FRMD4A: variants seen among roughly 807,000 people sequenced by gnomAD.
FRMD4A encodes FERM domain containing 4A.
FRMD4A carries 29 observed loss-of-function variants against 129.1 expected under a neutral mutation model. The ratio of observed to expected loss-of-function variants is 0.22; its 90% CI spans 0.17 to 0.31. FRMD4A has a LOEUF of 0.31. Among genes scored for constraint, FRMD4A ranks in the 10% least tolerant of loss-of-function variants. The probability of loss-of-function intolerance (pLI) is 1.00; values close to 1 mark genes in which losing one functional copy is unlikely to be tolerated. For missense variants in FRMD4A, 1,272 were observed against 1,375.8 expected, an observed-to-expected ratio of 0.92 and a Z score of 1.19; for synonymous variants, 634 against 571.6, an observed-to-expected ratio of 1.11 and a Z score of -1.56.
At chr10:14,280,993 T>C (rs1282421089) in intron 2 of FRMD4A, among the ~76,000 whole-genome samples, 1 of 138,274 alleles carries the variant, frequency 7.2e-6, no homozygotes, top group Admixed American at 7.2e-5. Context: ...TTTTTTTTTT[T>C]TTTTTTTTTT....
chr10:13,818,458 A>C (rs1469216198), intron 3 of FRMD4A, among the ~76,000 whole-genome samples: 2 of 152,152 alleles, frequency 1.3e-5, no homozygotes, highest in Non-Finnish European at 2.9e-5. Context: ...GTGTGACCCA[A>C]TGCACCCAGC....
In FRMD4A at chr10:13,798,327, G is replaced by A. The variant is rs573662463; in HGVS notation, c.207-1739C>T. Reference sequence around the variant, plus strand: ...CTCGGGAGGCTGAGGTAGGAGAATCGCTTGAACCCGGGAGATGGAGGTTGC... The same window carrying A: ...CTCGGGAGGCTGAGGTAGGAGAATCACTTGAACCCGGGAGATGGAGGTTGC... On this transcript the variant is annotated intron_variant, in intron 4 of 24. Transcript: ENST00000357447. 2.6e-5 allele frequency among the ~76,000 whole-genome samples: 4 copies of A among 152,236 alleles called. No individual in the cohort carries two copies. In the South Asian group the frequency reaches 8.3e-4, roughly 32 times the overall value.
intron 11 of FRMD4A, among the ~76,000 whole-genome samples, chr10:13,739,736 C>T (rs2090873809): frequency 6.6e-6 from 1 of 152,206 alleles, no homozygotes. Context: ...TTGAAATTGT[C>T]TCCCCGCAGT....
In FRMD4A at chr10:13,974,235, A is replaced by G. The variant is rs2095532811; in HGVS notation, c.46-115323T>C. Among the ~76,000 whole-genome samples the G allele has an allele frequency of 2.0e-5, 3 of 152,206 alleles. No homozygotes were observed. In the South Asian group the frequency reaches 6.2e-4, roughly 32 times the overall value. On this transcript the variant is annotated intron_variant, in intron 2 of 24. Coordinates refer to ENST00000357447, the MANE Select transcript of FRMD4A (RefSeq NM_018027.5). ...TATGGTCTGGGAATCTTTTGAGTATAAAGGTGCTATAATAAGCTCTTTTGA... is the reference window on the plus strand; with the variant it reads ...TATGGTCTGGGAATCTTTTGAGTATGAAGGTGCTATAATAAGCTCTTTTGA...
chr10:14,068,813 A>G (rs957533313), intron 2 of FRMD4A, among the ~76,000 whole-genome samples: 1 of 152,138 alleles, frequency 6.6e-6, no homozygotes, highest in African/African-American at 2.4e-5. Context: ...ACTTAGGCTA[A>G]GTGAGATGAA....
intron 2 of FRMD4A, among the ~76,000 whole-genome samples, chr10:14,179,039 T>C (rs1841824890): frequency 6.6e-6 from 1 of 152,178 alleles, no homozygotes; most frequent in Non-Finnish European, 1.5e-5. Flanking sequence ...TATAATAAAC[T>C]TCTCTAGACT....
chr10:13,740,311 C>T (rs2090913279), intron 10 of FRMD4A, 60 bp from the exon 11 acceptor site: 1 of 1,135,830 alleles, frequency 8.8e-7, no homozygotes, highest in Admixed American at 1.7e-5. Flanking sequence ...GCTAGTTATT[C>T]AGCAGATCTG....
chr10:13,898,147 C>T (rs954070115), intron 2 of FRMD4A, among the ~76,000 whole-genome samples: 14 of 151,234 alleles, frequency 9.3e-5, no homozygotes, highest in South Asian at 2.1e-4. Flanking sequence ...CCAAGGTGGA[C>T]GGATCACCTG....
In FRMD4A at chr10:14,268,104, T is replaced by C. The variant is rs114353654; in HGVS notation, c.45+61954A>G. 1.2e-3 allele frequency among the ~76,000 whole-genome samples: 190 copies of C among 152,268 alleles called. 2 individuals are homozygous for C. The highest frequency in any genetic ancestry group is 4.4e-3 in the African/African-American group (182 of 41,558). ...GAACATGATCAAAAGAGTGTCATTA[T>C]TGCCATTATTATTACTTAAATAATG... On this transcript the variant is annotated intron_variant, in intron 2 of 24. Coordinates refer to ENST00000357447, the MANE Select transcript of FRMD4A (RefSeq NM_018027.5).
At chr10:13,683,874 T>G (rs2084843135) in intron 15 of FRMD4A, among the ~76,000 whole-genome samples, 1 of 152,018 alleles carries the variant, frequency 6.6e-6, no homozygotes, top group Admixed American at 6.5e-5. Context: ...CATGCCTGAC[T>G]AATTTTTCTA....
At chr10:13,828,035 C>T (rs1194011175) in intron 3 of FRMD4A, among the ~76,000 whole-genome samples, 1 of 152,230 alleles carries the variant, frequency 6.6e-6, no homozygotes, top group Non-Finnish European at 1.5e-5. Flanking sequence ...GCGGGGCTCT[C>T]AGAGTGCTCC....
intron 17 of FRMD4A, chr10:13,668,537 A>G (rs942895814): frequency 6.6e-6 from 1 of 152,104 alleles, no homozygotes; most frequent in African/African-American, 2.4e-5. Context: ...TCCCAGAGGA[A>G]CCCCGCAGAA....
chr10:14,323,126 T>C (rs1843131053), intron 2 of FRMD4A, among the ~76,000 whole-genome samples: 1 of 152,198 alleles, frequency 6.6e-6, no homozygotes, highest in African/African-American at 2.4e-5. Context: ...TAGCTGATTG[T>C]CCAGAGGTGG....
At chr10:13,766,379 A>G (rs1573139) in intron 6 of FRMD4A, among the ~76,000 whole-genome samples, 2,004 of 152,340 alleles carry the variant, frequency 0.013, 80 homozygotes, top group South Asian at 0.12. Flanking sequence ...CCCAGTGAAG[A>G]TATCAAAAAC....
At chr10:13,975,647 CTA>C (rs902054945) in intron 2 of FRMD4A, among the ~76,000 whole-genome samples, 9 of 150,824 alleles carry the variant, frequency 6.0e-5, no homozygotes, top group African/African-American at 1.7e-4. Flanking sequence ...GTGTGAATCT[CTA>C]TGTGTGTTTG....
intron 2 of FRMD4A, among the ~76,000 whole-genome samples, chr10:14,196,812 C>A (rs940699246): frequency 6.6e-6 from 1 of 152,174 alleles, no homozygotes; most frequent in Non-Finnish European, 1.5e-5. Flanking sequence ...AAGCGCTAGA[C>A]AATTCATTCC....
At position 14,262,036 on chromosome 10, in the gene FRMD4A, C is replaced by T. The variant is rs186962527; in HGVS notation, c.45+68022G>A. ...CTCTGCTTCTCTGTCTCCCTCTCCACCTCTCTTTACCTGTCTTCAGCATAC... is the reference window on the plus strand; with the variant it reads ...CTCTGCTTCTCTGTCTCCCTCTCCATCTCTCTTTACCTGTCTTCAGCATAC... On this transcript the variant is annotated intron_variant, in intron 2 of 24. Transcript: ENST00000357447. 4.6e-5 allele frequency among the ~76,000 whole-genome samples: 7 copies of T among 151,716 alleles called. No individual in the cohort carries two copies. In the East Asian group the frequency reaches 1.4e-3, roughly 30 times the overall value.
At chr10:13,662,315 G>T (rs117415981) in intron 19 of FRMD4A, among the ~76,000 whole-genome samples, 1 of 152,020 alleles carries the variant, frequency 6.6e-6, no homozygotes, top group African/African-American at 2.4e-5. Context: ...TAAATAATCC[G>T]CCAGACTTTC....
At chr10:14,012,995 A>G (rs2095687193) in intron 2 of FRMD4A, among the ~76,000 whole-genome samples, 1 of 152,160 alleles carries the variant, frequency 6.6e-6, no homozygotes, top group African/African-American at 2.4e-5. Context: ...GTCACACTGT[A>G]TAATAGATGC....
Sources: gnomAD v4.1 joint callset for allele counts (sites outside exome capture counted in the v4.1 genomes callset) on GRCh38, gnomAD v4.1.1 for gene constraint, MANE v1.5 for transcripts, NCBI Gene and HGNC (gene_info 2026-07-23, HGNC 2026-07-21) for gene names.